FIGNL2: variants seen among roughly 807,000 people sequenced by gnomAD.
FIGNL2 encodes fidgetin-like protein 2.
For missense variants in FIGNL2, 1,060 were observed against 950.2 expected, an observed-to-expected ratio of 1.12 and a Z score of -1.52; for synonymous variants, 565 against 484.0, an observed-to-expected ratio of 1.17 and a Z score of -2.20.
rs1390234431 is a variant in FIGNL2, at chr12:51,820,815, G to C, written c.1599C>G (p.Gly533=). Residue 533 remains glycine, a synonymous_variant, in exon 2 of 2, where the codon GGC becomes GGG. Coordinates refer to ENST00000618634, the MANE Select transcript of FIGNL2 (RefSeq NM_001384995.1). The part of the protein sequence containing the change: ...GAGADGVLVV[G]TTSRPAALDE... ...CCAGAGCCGCGGGCCGCGAGGTGGT[G>C]CCCACAACCAGCACGCCGTCAGCCC... 2.7e-6 allele frequency: 4 copies of C among 1,471,072 alleles called. No homozygotes were observed. The highest frequency in any genetic ancestry group is 3.6e-6 in the Non-Finnish European group (4 of 1,119,194). The allele number at this position is 1,471,072 out of a possible 1,614,324, so 91.1% of individuals were successfully genotyped here.
chr12:51,841,607 C>T (rs946130592), intron 1 of FIGNL2: 19 of 152,274 alleles, frequency 1.2e-4, no homozygotes, highest in African/African-American at 4.6e-4. Context: ...CCCTCCCACA[C>T]TTAGCCACCA....
intron 1 of FIGNL2, chr12:51,835,547 G>C (rs986745932): frequency 6.6e-6 from 1 of 152,202 alleles, no homozygotes; most frequent in African/African-American, 2.4e-5. Context: ...TCCAATGACA[G>C]GCACTAGCCC....
intron 1 of FIGNL2, among the ~76,000 whole-genome samples, chr12:51,834,237 G>A (rs988984781): frequency 5.3e-5 from 8 of 152,102 alleles, no homozygotes; most frequent in African/African-American, 1.9e-4. Context: ...GGGTGGCAAG[G>A]GGTGAAGCCA....
At chr12:51,825,677 C>CGG (rs1310613855) in intron 1 of FIGNL2, 2 of 148,890 alleles carry the variant, frequency 1.3e-5, no homozygotes, top group East Asian at 4.0e-4. Context: ...AGTGCAGTGG[C>CGG]GCGATCTCGG....
At chr12:51,834,960 C>T (rs961956743) in intron 1 of FIGNL2, among the ~76,000 whole-genome samples, 10 of 152,214 alleles carry the variant, frequency 6.6e-5, no homozygotes, top group Non-Finnish European at 5.9e-5. Context: ...AAGAGATTCT[C>T]CCAAGGTCAT....
intron 1 of FIGNL2, chr12:51,848,003 C>G: frequency 1.5e-6 from 1 of 675,350 alleles, no homozygotes; most frequent in Non-Finnish European, 1.8e-6. Flanking sequence ...CGCGGGGACC[C>G]TAAGTAGCCT....
chr12:51,847,208 G>A, intron 1 of FIGNL2: 8 of 985,424 alleles, frequency 8.1e-6, no homozygotes, highest in Non-Finnish European at 9.6e-6. Context: ...GGGATTTCGG[G>A]GTAGGCTCCG....
chr12:51,848,671 G>A lies in FIGNL2; in HGVS notation c.-143C>T. 2.4e-6 allele frequency: 1 copy of A among 419,904 alleles called. No homozygotes were observed. Among genetic ancestry groups the A allele is most frequent in the Non-Finnish European group, 3.2e-6 (1 of 313,022 alleles). 26.0% of individuals were successfully genotyped at this position (419,904 alleles called of 1,614,324 possible). On this transcript the variant is annotated 5_prime_UTR_variant, in exon 1 of 2. Coordinates refer to ENST00000618634, the MANE Select transcript of FIGNL2 (RefSeq NM_001384995.1). ...GGGCAGTGGCGCTCACCATCCTGGA[G>A]CCGCTGCTGCTGCGGCTGCTGCGGC...
intron 1 of FIGNL2, among the ~76,000 whole-genome samples, chr12:51,825,226 A>G (rs1362255430): frequency 2.6e-5 from 4 of 152,116 alleles, no homozygotes; most frequent in African/African-American, 9.7e-5. Context: ...CAAGCTGGGG[A>G]AAAAGAGTGA....
At position 51,821,428 on chromosome 12, in the gene FIGNL2, G is replaced by A. The variant is rs770601764; in HGVS notation, c.986C>T (p.Pro329Leu). The change falls in exon 2 of 2, where the codon CCC becomes CTC. Residue 329 changes from proline to leucine, a missense_variant. Physicochemically the swap from Pro to Leu is moderately conservative, Grantham distance 98 (BLOSUM62 -3). Transcript: ENST00000618634. The part of the protein sequence containing the change: ...EASGKYGGGV[P>L]LKVLGSPVYG... ...GACGGGGGAGCCCAGGACCTTGAGGGGGACGCCGCCACCGTACTTGCCCGA... is the reference window on the plus strand; with the variant it reads ...GACGGGGGAGCCCAGGACCTTGAGGAGGACGCCGCCACCGTACTTGCCCGA... The A allele has an allele frequency of 5.6e-5, 86 of 1,538,438 alleles. No homozygotes were observed. Among genetic ancestry groups the A allele is most frequent in the Non-Finnish European group, 7.1e-5 (81 of 1,145,212 alleles).
chr12:51,834,517 G>A (rs986013982), intron 1 of FIGNL2, among the ~76,000 whole-genome samples: 2 of 152,352 alleles, frequency 1.3e-5, no homozygotes, highest in Non-Finnish European at 2.9e-5. Flanking sequence ...CCTGCTTCCT[G>A]GAGGTGCGGA....
intron 1 of FIGNL2, chr12:51,824,120 G>A (rs1208117200): frequency 6.6e-6 from 1 of 152,228 alleles, no homozygotes; most frequent in African/African-American, 2.4e-5. Flanking sequence ...GGACTTTACT[G>A]CCACCTTCTG....
chr12:51,847,810 G>T, intron 1 of FIGNL2: 4 of 985,312 alleles, frequency 4.1e-6, no homozygotes, highest in Non-Finnish European at 4.8e-6. Context: ...ACAGGAGAGG[G>T]CTCTTGCGGT....
In FIGNL2 at chr12:51,821,318, T is replaced by G. The variant is rs303819; in HGVS notation, c.1096A>C (p.Thr366Pro). 0.86 allele frequency: 1,300,751 copies of G among 1,511,920 alleles called. 561,563 individuals carry two copies. Among genetic ancestry groups the G allele is most frequent in the East Asian group, 0.98 (38,064 of 38,718 alleles). 93.7% of individuals were successfully genotyped at this position (1,511,920 alleles called of 1,614,324 possible). ...RGGFAVPSGETPKGVDPGALE... is the reference protein window; with the variant it reads ...RGGFAVPSGEPPKGVDPGALE... ...GCCCCAGGGTCCACGCCTTTGGGAG[T>G]CTCCCCCGACGGCACGGCGAACCCC... The change falls in exon 2 of 2, where the codon ACT (threonine) becomes CCT (proline). Residue 366 changes from threonine (T) to proline (P), a missense_variant. Transcript: ENST00000618634.
chr12:51,834,501 C>T (rs1166028939), intron 1 of FIGNL2, among the ~76,000 whole-genome samples: 3 of 152,226 alleles, frequency 2.0e-5, no homozygotes, highest in African/African-American at 7.2e-5. Context: ...TCAGGGCCCT[C>T]AGGATCCTGC....
intron 1 of FIGNL2, chr12:51,846,960 C>T: frequency 1.0e-6 from 1 of 975,964 alleles, no homozygotes; most frequent in Non-Finnish European, 1.2e-6. Context: ...GGCCTGTCAC[C>T]CGTCCAGCCC....
Position 51,822,095 on chromosome 12 carries a change from G to T in FIGNL2, c.319C>A (p.Pro107Thr). The T allele has an allele frequency of 6.2e-7, 1 of 1,611,522 alleles. No individual in the cohort carries two copies. Among genetic ancestry groups the T allele is most frequent in the Non-Finnish European group, 8.5e-7 (1 of 1,178,960 alleles). Reference protein sequence around the residue: ...EPWPGPEPPYPLASLHEGLPG... With the variant: ...EPWPGPEPPYTLASLHEGLPG... ...AGGCCTTCGTGGAGTGAGGCCAAGG[G>T]GTAGGGTGGCTCCGGCCCTGGCCAG... Residue 107 changes from proline to threonine, a missense_variant, in exon 2 of 2, where the codon CCC becomes ACC. Transcript: ENST00000618634.
rs188030531 is a variant in FIGNL2, at chr12:51,845,969, C to T, written c.-12+2571G>A. Among the ~76,000 whole-genome samples, 351 of 152,014 alleles carry T rather than the reference C, an allele frequency of 2.3e-3. 3 individuals are homozygous for T. Among genetic ancestry groups the T allele is most frequent in the African/African-American group, 7.4e-3 (308 of 41,444 alleles). ...TAGGGTCATGGGGAGGAGAAGGAGGCAAATAAGGGAAAGGGAGAGGAGGAG... is the reference window on the plus strand; with the variant it reads ...TAGGGTCATGGGGAGGAGAAGGAGGTAAATAAGGGAAAGGGAGAGGAGGAG... On this transcript the variant is annotated intron_variant, in intron 1 of 1. Transcript: ENST00000618634.
At position 51,820,701 on chromosome 12, in the gene FIGNL2, C is replaced by A. The variant is rs1939155302; in HGVS notation, c.1713G>T (p.Leu571=). The A allele has an allele frequency of 6.7e-7, 1 of 1,488,638 alleles. No individual in the cohort carries two copies. Among genetic ancestry groups the A allele is most frequent in the Admixed American group, 2.3e-5 (1 of 43,974 alleles). 92.2% of individuals were successfully genotyped at this position (1,488,638 alleles called of 1,614,324 possible). A position where few individuals can be genotyped will look rare whatever the true frequency, so the allele number is the denominator to read the frequency against. ...PARGQILQRA[L]AQQGCALSER... ...CACTGAGCGCGCAGCCCTGCTGGGC[C>A]AGCGCCCGCTGCAGGATCTGCCCGC... is the stretch of plus-strand genomic sequence containing the variant. The change falls in exon 2 of 2, where the codon CTG becomes CTT. Residue 571 remains leucine, a synonymous_variant. Transcript: ENST00000618634.
Sources: gnomAD v4.1 joint callset for allele counts (sites outside exome capture counted in the v4.1 genomes callset) on GRCh38, gnomAD v4.1.1 for gene constraint, MANE v1.5 for transcripts, NCBI Gene and HGNC (gene_info 2026-07-23, HGNC 2026-07-21) for gene names.